POLI: variants seen among roughly 807,000 people sequenced by gnomAD.
The protein encoded by POLI is RAD30 homolog B.
In POLI, 58 loss-of-function variants were observed where a neutral mutation model predicts 51.6. The observed-to-expected ratio is 1.12, with a 90% CI of 0.91 to 1.40. POLI has a LOEUF of 1.40. Among genes scored for constraint, POLI ranks in the 40% most tolerant of loss-of-function variants. The pLI, the probability that POLI is intolerant of heterozygous loss-of-function variation, is 0.00. For missense variants in POLI, 921 were observed against 871.3 expected (o/e 1.06, Z -0.72); for synonymous variants, 322 against 299.7 (o/e 1.07, Z -0.77).
intron 7 of POLI, among the ~76,000 whole-genome samples, chr18:54,286,523 TAAA>T (rs199567825): frequency 1.3e-5 from 2 of 151,714 alleles, no homozygotes; most frequent in East Asian, 3.9e-4. Flanking sequence ...TGTCATTTTG[TAAA>T]AAAAAATCTT....
chr18:54,288,219 T>C (rs1472613667), intron 8 of POLI, among the ~76,000 whole-genome samples: 2 of 152,206 alleles, frequency 1.3e-5, no homozygotes, highest in South Asian at 2.1e-4. Flanking sequence ...TTGATTATAG[T>C]TGTTCTAGCG....
At chr18:54,309,932 G>C (rs2088648341) in intron 3 of POLI, among the ~76,000 whole-genome samples, 1 of 152,216 alleles carries the variant, frequency 6.6e-6, no homozygotes, top group South Asian at 2.1e-4. Context: ...CGTTTGCTAA[G>C]ACCATTGGAA....
intron 3 of POLI, among the ~76,000 whole-genome samples, chr18:54,316,192 G>T (rs978117067): frequency 6.6e-6 from 1 of 152,144 alleles, no homozygotes; most frequent in Non-Finnish European, 1.5e-5. Context: ...TGGGATTATA[G>T]GTGTGAGCCA....
At chr18:54,317,615 T>A (rs2088751408) in intron 3 of POLI, among the ~76,000 whole-genome samples, 1 of 152,114 alleles carries the variant, frequency 6.6e-6, no homozygotes, top group Non-Finnish European at 1.5e-5. Flanking sequence ...GTAATCCCAG[T>A]GCTTTGGGAG....
At chr18:54,309,498 G>T (rs1181989960) in intron 3 of POLI, among the ~76,000 whole-genome samples, 1 of 152,214 alleles carries the variant, frequency 6.6e-6, no homozygotes, top group Non-Finnish European at 1.5e-5. Context: ...TGAGGTGTCA[G>T]TTGGCCCCTA....
chr18:54,273,273 A>AT (rs1458224827), intron 2 of POLI, among the ~76,000 whole-genome samples: 5 of 151,626 alleles, frequency 3.3e-5, no homozygotes, highest in African/African-American at 1.2e-4. Context: ...TGTTTTATAT[A>AT]TTTTATATAC....
At chr18:54,281,746 CTT>C (rs34681381) in intron 5 of POLI, among the ~76,000 whole-genome samples, 180 of 141,760 alleles carry the variant, frequency 1.3e-3, no homozygotes, top group Middle Eastern at 7.6e-3. Flanking sequence ...GTTCTTGTAT[CTT>C]TTTTTTTTTT....
intron 1 of POLI, chr18:54,270,500 A>C (rs745400796): frequency 6.6e-6 from 1 of 152,254 alleles, no homozygotes; most frequent in African/African-American, 2.4e-5. Flanking sequence ...TGAAAGTTGC[A>C]GAGCTAGATC....
intron 9 of POLI, 126 bp from the exon 10 acceptor site, chr18:54,293,523 C>CGTATCATTAA: frequency 1.6e-6 from 1 of 623,972 alleles, no homozygotes; most frequent in Non-Finnish European, 2.7e-6. Context: ...TGGAACTGGC[C>CGTATCATTAA]ACAAAGAGTT....
Position 54,290,907 on chromosome 18 carries a change from C to G in POLI, c.1199-926C>G, listed in dbSNP as rs150530603. Among the ~76,000 whole-genome samples, 268 of 152,236 alleles carry G rather than the reference C, an allele frequency of 1.8e-3. 3 individuals are homozygous for G. The highest frequency in any genetic ancestry group is 5.1e-4 in the Non-Finnish European group (35 of 68,022). On this transcript the variant is annotated intron_variant, in intron 8 of 9. Transcript: ENST00000579534. ...AGAGTTGATAGGTGTAGCAAACTAA[C>G]ACGGTACATGTATACCTATGTAACA...
At chr18:54,302,420 GA>G (rs1346617764), downstream of POLI, among the ~76,000 whole-genome samples, 2 of 152,176 alleles carry the variant, frequency 1.3e-5, no homozygotes, top group Non-Finnish European at 2.9e-5. Context: ...CAATTCTCTA[GA>G]AAAAAACTCC....
intron 3 of POLI, among the ~76,000 whole-genome samples, chr18:54,319,532 G>T (rs1470181357): frequency 1.3e-5 from 2 of 152,062 alleles, no homozygotes; most frequent in Admixed American, 1.3e-4. Flanking sequence ...GAGTTATATG[G>T]TAAGAAAGAT....
chr18:54,307,455 G>A (rs1192678873), intron 3 of POLI, among the ~76,000 whole-genome samples: 1 of 152,194 alleles, frequency 6.6e-6, no homozygotes, highest in Non-Finnish European at 1.5e-5. Flanking sequence ...GAGACAGTTT[G>A]TTGTGACTTC....
intron 8 of POLI, among the ~76,000 whole-genome samples, chr18:54,289,598 C>G (rs2087902467): frequency 6.7e-6 from 1 of 149,190 alleles, no homozygotes; most frequent in Non-Finnish European, 1.5e-5. Context: ...CTACAGTAAC[C>G]AAAACAGCAT....
chr18:54,292,167 G>T, intron 9 of POLI, 129 bp downstream of exon 9: 1 of 594,362 alleles, frequency 1.7e-6, no homozygotes. Flanking sequence ...TTGTTTAGGT[G>T]ATTAACTTGT....
chr18:54,279,147 A>G (rs2087380599), intron 4 of POLI, among the ~76,000 whole-genome samples: 1 of 152,142 alleles, frequency 6.6e-6, no homozygotes, highest in Non-Finnish European at 1.5e-5. Context: ...ATTATTGATT[A>G]ATTCTTCCTC....
At position 54,304,447 on chromosome 18, in the gene POLI, G is replaced by A. The variant is rs1207462474; in HGVS notation, c.334-15826G>A. On this transcript the variant is annotated intron_variant, in intron 3 of 4. Transcript: ENST00000579823. Reference sequence around the variant, plus strand: ...GTTGTTTCCTGACTTTTTAATGATCGCCATTCTAACTGGCGTGAGATGGTA... The same window carrying A: ...GTTGTTTCCTGACTTTTTAATGATCACCATTCTAACTGGCGTGAGATGGTA... Among the ~76,000 whole-genome samples the A allele has an allele frequency of 2.0e-4, 31 of 152,218 alleles. 1 individual carries two copies. The South Asian group carries it at 5.8e-3, about 29-fold the overall frequency.
At chr18:54,293,500 A>T (rs2088124461) in intron 9 of POLI, 149 bp from the exon 10 acceptor site, 1 of 559,308 alleles carries the variant, frequency 1.8e-6, no homozygotes, top group African/African-American at 1.9e-5. Context: ...GTGGTAGTAG[A>T]TCTCTAGTTG....
intron 2 of POLI, 37 bp downstream of exon 2, chr18:54,271,522 G>T: frequency 7.3e-7 from 1 of 1,365,056 alleles, no homozygotes; most frequent in South Asian, 1.3e-5. Context: ...ATTGCATAAT[G>T]ATTAGATTAG....
Sources: allele counts gnomAD v4.1 joint callset (sites outside exome capture counted in the v4.1 genomes callset), GRCh38; gene constraint gnomAD v4.1.1; transcripts MANE v1.5; gene names NCBI Gene and HGNC (gene_info 2026-07-23, HGNC 2026-07-21).